The following KCNH8 variants were observed in gnomAD, a reference collection of about 807,000 sequenced individuals.
The protein encoded by KCNH8 is potassium voltage-gated channel subfamily H member 8, also known as voltage-gated delayed rectifier potassium channel KCNH8.
A neutral mutation model predicts 103.6 loss-of-function variants in KCNH8; 70 were observed. The observed-to-expected ratio is 0.68, with a 90% CI of 0.56 to 0.82. KCNH8 has a LOEUF of 0.82. Among genes scored for constraint, KCNH8 ranks in the 40% least tolerant of loss-of-function variants. The probability of loss-of-function intolerance (pLI) is 0.00; values close to 1 mark genes in which losing one functional copy is unlikely to be tolerated. For missense variants in KCNH8, 1,217 were observed against 1,329.9 expected (o/e 0.92, Z 1.32); for synonymous variants, 498 against 489.4 (o/e 1.02, Z -0.23).
At chr3:19,325,059 A>G (rs1022444263) in intron 3 of KCNH8, among the ~76,000 whole-genome samples, 2 of 152,266 alleles carry the variant, frequency 1.3e-5, no homozygotes, top group Middle Eastern at 3.4e-3. Context: ...TCACTAAGCT[A>G]TGTGATCTTC....
Position 19,443,772 on chromosome 3 carries a change from A to G in KCNH8, c.1375+5411A>G, listed in dbSNP as rs1322737712. On this transcript the variant is annotated intron_variant, in intron 8 of 15. Transcript: ENST00000328405. The stretch of plus-strand genomic sequence containing the variant: ...TCAATTGCATTTCTATATACTAGTA[A>G]CAAATTAGAAATAAAATATAAAAAA... 7.9e-5 allele frequency among the ~76,000 whole-genome samples: 12 copies of G among 152,132 alleles called. No individual in the cohort carries two copies. The East Asian group carries it at 2.3e-3, about 29-fold the overall frequency.
intron 1 of KCNH8, among the ~76,000 whole-genome samples, chr3:19,207,851 A>G (rs778483150): frequency 2.0e-5 from 3 of 152,010 alleles, no homozygotes; most frequent in Non-Finnish European, 4.4e-5. Flanking sequence ...CCAAAAATAT[A>G]AAAAGTGGAT....
intron 5 of KCNH8, among the ~76,000 whole-genome samples, chr3:19,359,669 A>G (rs2125328241): frequency 6.6e-6 from 1 of 152,194 alleles, no homozygotes; most frequent in South Asian, 2.1e-4. Context: ...AGTTGTGACA[A>G]TCAAAATTGC....
intron 1 of KCNH8, among the ~76,000 whole-genome samples, chr3:19,183,187 G>A (rs2063472497): frequency 6.6e-6 from 1 of 152,040 alleles, no homozygotes; most frequent in Non-Finnish European, 1.5e-5. Context: ...TAGCCAATGT[G>A]CTATAATAAT....
intron 3 of KCNH8, among the ~76,000 whole-genome samples, chr3:19,304,704 A>G (rs886168924): frequency 2.6e-5 from 4 of 152,140 alleles, no homozygotes; most frequent in African/African-American, 9.6e-5. Context: ...ATCAAGGACT[A>G]TATTACCCTA....
chr3:19,420,104 A>G (rs1482907852), intron 7 of KCNH8, among the ~76,000 whole-genome samples: 2 of 152,280 alleles, frequency 1.3e-5, no homozygotes, highest in African/African-American at 4.8e-5. Flanking sequence ...GTAAAATAGC[A>G]ACAGCATTAG....
chr3:19,525,177 TATAAC>T (rs567748733), intron 15 of KCNH8, among the ~76,000 whole-genome samples: 11 of 151,926 alleles, frequency 7.2e-5, no homozygotes, highest in Non-Finnish European at 1.2e-4. Context: ...CATCAAGTAA[TATAAC>T]ATAAATATAT....
chr3:19,388,268 T>C (rs1290447521), intron 5 of KCNH8, among the ~76,000 whole-genome samples: 10 of 152,154 alleles, frequency 6.6e-5, no homozygotes, highest in African/African-American at 1.7e-4. Flanking sequence ...CATGAGAATT[T>C]AAGTGATTCA....
In KCNH8 at chr3:19,170,695, CATAT is replaced by C. The variant is rs567992582; in HGVS notation, c.76+21906_76+21909del. 1.9e-4 allele frequency among the ~76,000 whole-genome samples: 27 copies of C among 142,070 alleles called. No individual in the cohort carries two copies. In the South Asian group the frequency reaches 4.1e-3, roughly 22 times the overall value. 93.2% of individuals were successfully genotyped at this position (142,070 alleles called of 152,430 possible). On this transcript the variant is annotated intron_variant, in intron 1 of 15. Coordinates refer to ENST00000328405, the MANE Select transcript of KCNH8 (RefSeq NM_144633.3). ...ATATACACACACACATATATACACACATATATATACACATATATACACACACATA... is the reference window on the plus strand; with the variant it reads ...ATATACACACACACATATATACACACATATACACATATATACACACACATA...
At chr3:19,506,172 C>T (rs1260637980) in intron 11 of KCNH8, among the ~76,000 whole-genome samples, 1 of 152,150 alleles carries the variant, frequency 6.6e-6, no homozygotes, top group Non-Finnish European at 1.5e-5. Context: ...GCGATTTCAA[C>T]CCAGTTAGGA....
At chr3:19,154,594 GT>G in intron 1 of KCNH8, among the ~76,000 whole-genome samples, 1 of 152,266 alleles carries the variant, frequency 6.6e-6, no homozygotes. Flanking sequence ...TAAAATAAAG[GT>G]TCCATAGAAT....
At chr3:19,506,555 C>G (rs1048172438) in intron 11 of KCNH8, among the ~76,000 whole-genome samples, 1 of 152,136 alleles carries the variant, frequency 6.6e-6, no homozygotes, top group Non-Finnish European at 1.5e-5. Context: ...GCTATGCTCC[C>G]TCTCAGTGCT....
intron 1 of KCNH8, among the ~76,000 whole-genome samples, chr3:19,243,717 T>C (rs1216330185): frequency 3.3e-5 from 5 of 152,194 alleles, no homozygotes; most frequent in Non-Finnish European, 7.4e-5. Context: ...GTAAAGGTAA[T>C]AAAACGACTA....
rs534543555 is a variant in KCNH8, at chr3:19,194,642, G to C, written c.76+45847G>C. On this transcript the variant is annotated intron_variant, in intron 1 of 15. Transcript: ENST00000328405. ...GGGGACTATTAGAGGGGAAAGATAA[G>C]GAGGGGGTAGGGGTTGAAAACTACT... Among the ~76,000 whole-genome samples, 627 of 151,908 alleles carry C rather than the reference G, an allele frequency of 4.1e-3. 4 individuals are homozygous for C. The highest frequency in any genetic ancestry group is 0.014 in the African/African-American group (591 of 41,512).
At chr3:19,299,466 G>A (rs1352167856) in intron 3 of KCNH8, among the ~76,000 whole-genome samples, 6 of 151,642 alleles carry the variant, frequency 4.0e-5, no homozygotes, top group Non-Finnish European at 7.4e-5. Context: ...CCCCATCTCC[G>A]AAAAAAAGAA....
intron 11 of KCNH8, among the ~76,000 whole-genome samples, chr3:19,494,106 C>T (rs1241497084): frequency 6.6e-6 from 1 of 152,128 alleles, no homozygotes; most frequent in Non-Finnish European, 1.5e-5. Flanking sequence ...ATTTTCTGTT[C>T]GTGTGTTAGT....
chr3:19,216,315 A>G lies in KCNH8; in HGVS notation c.77-37339A>G, dbSNP rs578038974. ...CTGGCCTACTTCTCCATCAGGGACG[A>G]AGAGTGTTTGTGTTACACACGTAAC... On this transcript the variant is annotated intron_variant, in intron 1 of 15. Transcript: ENST00000328405. 8.1e-4 allele frequency among the ~76,000 whole-genome samples: 123 copies of G among 152,338 alleles called. 1 individual carries two copies. The highest frequency in any genetic ancestry group is 2.8e-3 in the African/African-American group (116 of 41,584).
chr3:19,164,397 C>A (rs2063262585), intron 1 of KCNH8, among the ~76,000 whole-genome samples: 1 of 152,116 alleles, frequency 6.6e-6, no homozygotes, highest in South Asian at 2.1e-4. Flanking sequence ...CAAATTTGGA[C>A]CTAATGCTGT....
intron 3 of KCNH8, among the ~76,000 whole-genome samples, chr3:19,284,507 T>TA (rs2064800535): frequency 1.2e-5 from 1 of 85,434 alleles, no homozygotes; most frequent in Non-Finnish European, 2.4e-5. Flanking sequence ...GTGGATCTGC[T>TA]GGTGTGTGTG....
Sources: allele counts gnomAD v4.1 joint callset (sites outside exome capture counted in the v4.1 genomes callset), GRCh38; gene constraint gnomAD v4.1.1; transcripts MANE v1.5; gene names NCBI Gene and HGNC (gene_info 2026-07-23, HGNC 2026-07-21).